Variants in FYN observed in about 807,000 individuals in gnomAD.
The protein encoded by FYN is FYN proto-oncogene, Src family tyrosine kinase.
A neutral mutation model predicts 70.2 loss-of-function variants in FYN; 10 were observed. The observed-to-expected ratio is 0.14, with a 90% CI of 0.09 to 0.24. The LOEUF is 0.24. Ranked by LOEUF, FYN falls within the 10% of genes least tolerant of loss-of-function variation. FYN has a pLI of 1.00. For missense variants in FYN, 319 were observed against 673.1 expected, an observed-to-expected ratio of 0.47 and a Z score of 5.82; for synonymous variants, 236 against 248.6, an observed-to-expected ratio of 0.95 and a Z score of 0.48.
chr6:111,790,182 T>A (rs1459743050), intron 2 of FYN, among the ~76,000 whole-genome samples: 1 of 151,226 alleles, frequency 6.6e-6, no homozygotes, highest in East Asian at 1.9e-4. Flanking sequence ...GAATCCATTA[T>A]AATGGGAACC....
intron 1 of FYN, among the ~76,000 whole-genome samples, chr6:111,862,901 G>A (rs556475155): frequency 2.6e-5 from 4 of 152,268 alleles, no homozygotes; most frequent in South Asian, 2.1e-4. Context: ...GGGGGATTCC[G>A]GGAAAGGAAA....
intron 2 of FYN, among the ~76,000 whole-genome samples, chr6:111,843,123 G>GT (rs1441711935): frequency 1.3e-5 from 2 of 152,178 alleles, no homozygotes; most frequent in African/African-American, 4.8e-5. Flanking sequence ...GGAATTCTCG[G>GT]TCTCACTGAA....
At chr6:111,751,220 G>A (rs966157180) in intron 3 of FYN, among the ~76,000 whole-genome samples, 1 of 152,150 alleles carries the variant, frequency 6.6e-6, no homozygotes, top group Non-Finnish European at 1.5e-5. Flanking sequence ...TGTTTTCTCT[G>A]TGAATTCTTT....
intron 3 of FYN, among the ~76,000 whole-genome samples, chr6:111,746,270 C>A (rs1220512611): frequency 6.6e-6 from 1 of 152,038 alleles, no homozygotes; most frequent in Admixed American, 6.5e-5. Flanking sequence ...ATAATCTAAA[C>A]CCCCATCAAG....
At chr6:111,824,460 C>G (rs1029778092) in intron 2 of FYN, among the ~76,000 whole-genome samples, 24 of 149,764 alleles carry the variant, frequency 1.6e-4, no homozygotes, top group African/African-American at 5.9e-4. Flanking sequence ...AGCCTTGACA[C>G]CATCATGGAT....
chr6:111,837,774 C>T (rs2114443055), intron 2 of FYN, among the ~76,000 whole-genome samples: 1 of 151,938 alleles, frequency 6.6e-6, no homozygotes, highest in Middle Eastern at 3.5e-3. Flanking sequence ...TCAGGACTTC[C>T]TCAAGCCCCC....
chr6:111,700,152 G>C lies in FYN; in HGVS notation c.814C>G (p.Gln272Glu). Residue 272 changes from glutamine (Q) to glutamate (E), a missense_variant, in exon 9 of 14, where the codon CAG (glutamine) becomes GAG (glutamate). Physicochemically the swap from Gln to Glu is conservative, Grantham distance 29 (BLOSUM62 2). Transcript: ENST00000354650. ...DVWEIPRESL[Q>E]LIKRLGNGQF... Reference sequence around the variant, plus strand: ...CCATTTCCCAGTCTCTTGATCAACTGCAGGGATTCTCGAGGGATTTCCCAG... The same window carrying C: ...CCATTTCCCAGTCTCTTGATCAACTCCAGGGATTCTCGAGGGATTTCCCAG... 2 of 1,614,020 alleles carry C rather than the reference G, an allele frequency of 1.2e-6. No individual in the cohort carries two copies. Among genetic ancestry groups the C allele is most frequent in the Non-Finnish European group, 1.7e-6 (2 of 1,180,000 alleles).
intron 1 of FYN, among the ~76,000 whole-genome samples, chr6:111,863,236 C>A (rs1352533169): frequency 6.6e-6 from 1 of 152,188 alleles, no homozygotes; most frequent in Non-Finnish European, 1.5e-5. Flanking sequence ...CAAACTCAGA[C>A]AGCAACTAGA....
At chr6:111,687,642 C>CAGAG (rs374882686) in intron 12 of FYN, among the ~76,000 whole-genome samples, 15,028 of 144,076 alleles carry the variant, frequency 0.1, 1,012 homozygotes, top group African/African-American at 0.19. Context: ...ATGTGTGTGT[C>CAGAG]AGAGAGAGAG....
chr6:111,813,125 T>C (rs1772378395), intron 2 of FYN, among the ~76,000 whole-genome samples: 1 of 152,228 alleles, frequency 6.6e-6, no homozygotes, highest in South Asian at 2.1e-4. Flanking sequence ...ATGGACTTAC[T>C]GTCTTGCAAG....
intron 2 of FYN, among the ~76,000 whole-genome samples, chr6:111,796,929 G>T (rs1030908966): frequency 8.5e-5 from 13 of 152,190 alleles, no homozygotes; most frequent in Admixed American, 3.3e-4. Flanking sequence ...CTGTCATGTG[G>T]TCATGTCTTA....
intron 9 of FYN, chr6:111,699,854 A>C: frequency 3.0e-6 from 2 of 657,218 alleles, no homozygotes; most frequent in Middle Eastern, 8.6e-4. Flanking sequence ...CTGGTTTATG[A>C]ATTGAGAGTC....
At chr6:111,739,642 T>C (rs1176229297) in intron 3 of FYN, among the ~76,000 whole-genome samples, 2 of 152,242 alleles carry the variant, frequency 1.3e-5, no homozygotes, top group African/African-American at 4.8e-5. Context: ...ACTTCTCTCC[T>C]CCTCCTGCTC....
intron 3 of FYN, among the ~76,000 whole-genome samples, chr6:111,763,858 AT>A (rs1269853253): frequency 6.6e-6 from 1 of 152,212 alleles, no homozygotes; most frequent in Non-Finnish European, 1.5e-5. Context: ...TTCAGTTTCC[AT>A]TGTTATAAAA....
At chr6:111,777,357 C>CTTTTTTTT (rs1562517057) in intron 3 of FYN, among the ~76,000 whole-genome samples, 1 of 152,062 alleles carries the variant, frequency 6.6e-6, no homozygotes, top group African/African-American at 2.4e-5. Flanking sequence ...AAGATATTTC[C>CTTTTTTTT]ATTTTTAAAC....
intron 7 of FYN, 50 bp downstream of exon 7, chr6:111,703,949 T>G: frequency 7.2e-7 from 1 of 1,398,532 alleles, no homozygotes; most frequent in Non-Finnish European, 1.0e-6. Flanking sequence ...CCCCTCTGAC[T>G]AATCCACAGA....
At chr6:111,795,237 T>C (rs987613915) in intron 2 of FYN, among the ~76,000 whole-genome samples, 5 of 152,214 alleles carry the variant, frequency 3.3e-5, no homozygotes, top group East Asian at 3.8e-4. Flanking sequence ...TGAGGTCATA[T>C]GGGCAGACCA....
At chr6:111,711,499 C>T (rs997089773) in intron 5 of FYN, among the ~76,000 whole-genome samples, 10 of 152,238 alleles carry the variant, frequency 6.6e-5, no homozygotes, top group Non-Finnish European at 2.9e-5. Context: ...CAATGAAGCA[C>T]CTTTGCCCCT....
intron 13 of FYN, among the ~76,000 whole-genome samples, chr6:111,665,627 TTTA>T (rs199694316): frequency 1.3e-5 from 2 of 151,704 alleles, no homozygotes; most frequent in African/African-American, 2.4e-5. Context: ...TTTTTATTTA[TTTA>T]TTTTTTTTTG....
Sources: gnomAD v4.1 joint callset for allele counts (sites outside exome capture counted in the v4.1 genomes callset) on GRCh38, gnomAD v4.1.1 for gene constraint, MANE v1.5 for transcripts, NCBI Gene and HGNC (gene_info 2026-07-23, HGNC 2026-07-21) for gene names.